The following COL22A1 variants were observed in gnomAD, a reference collection of about 807,000 sequenced individuals.
The protein encoded by COL22A1 is collagen type XXII alpha 1 chain.
Under a neutral mutation model 248.9 loss-of-function variants are expected in COL22A1, and 221 were observed. The observed-to-expected ratio is 0.89, with a 90% CI of 0.80 to 0.99. COL22A1 has a LOEUF of 0.99. Among genes scored for constraint, COL22A1 ranks in the 50% least tolerant of loss-of-function variants. The pLI is 0.00. For synonymous variants in COL22A1, 891 were observed against 793.4 expected (o/e 1.12, Z -2.07); for missense variants, 2,240 against 2,179.0 (o/e 1.03, Z -0.56).
chr8:138,617,875 T>A (rs562026605), intron 53 of COL22A1, among the ~76,000 whole-genome samples: 1 of 152,130 alleles, frequency 6.6e-6, no homozygotes, highest in African/African-American at 2.4e-5. Flanking sequence ...CTGTCAGGAC[T>A]GAATAAGACT....
At position 138,878,171 on chromosome 8, in the gene COL22A1, G is replaced by A. The variant is rs752433406; in HGVS notation, c.237C>T (p.Val79=). ...EVGPDRTRVG[V]VRYSDRPTTA... is the part of the protein sequence containing the mutation. ...TGGTGGGCCGGTCGCTGTAGCGCAC[G>A]ACCCCCACACGGGTGCGGTCGGGGC... The change falls in exon 3 of 65, where the codon GTC becomes GTT. Residue 79 remains valine, a synonymous_variant. Transcript: ENST00000303045. The A allele has an allele frequency of 2.5e-6, 4 of 1,604,534 alleles. No individual in the cohort carries two copies. Among genetic ancestry groups the A allele is most frequent in the African/African-American group, 2.7e-5 (2 of 75,004 alleles).
In COL22A1 at chr8:138,703,429, T is replaced by A; in HGVS notation, c.2518-82A>T. 3 of 1,332,826 alleles carry A rather than the reference T, an allele frequency of 2.3e-6. No homozygotes were observed. The Admixed American group carries it at 5.1e-5, about 23-fold the overall frequency. 82.6% of individuals were successfully genotyped at this position (1,332,826 alleles called of 1,614,324 possible). On this transcript the variant is annotated intron_variant, in intron 30 of 64. Transcript: ENST00000303045. The stretch of plus-strand genomic sequence containing the variant: ...GCTGCAACAGATCAGCTAACACTAT[T>A]TTCCCCAGACAACAGAAGGTGTTGT...
Position 138,657,558 on chromosome 8 carries a change from G to C in COL22A1, c.3286-1614C>G, listed in dbSNP as rs148595495. Among the ~76,000 whole-genome samples, 1,367 of 152,338 alleles carry C rather than the reference G, an allele frequency of 9.0e-3. 20 individuals are homozygous for C. The highest frequency in any genetic ancestry group is 0.031 in the African/African-American group (1,299 of 41,566). ...GATACAATTTCATTAACATCTTGCT[G>C]TGACTCATTTCTGTAAACCTCACAA... On this transcript the variant is annotated intron_variant, in intron 44 of 64. Coordinates refer to ENST00000303045, the MANE Select transcript of COL22A1 (RefSeq NM_152888.3).
intron 57 of COL22A1, among the ~76,000 whole-genome samples, chr8:138,606,770 G>C (rs935231556): frequency 6.6e-6 from 1 of 152,146 alleles, no homozygotes; most frequent in Non-Finnish European, 1.5e-5. Flanking sequence ...GAGTGCTCTA[G>C]TGAGATGGCA....
intron 3 of COL22A1, among the ~76,000 whole-genome samples, chr8:138,861,200 C>T (rs1822429055): frequency 6.6e-6 from 1 of 152,206 alleles, no homozygotes; most frequent in African/African-American, 2.4e-5. Flanking sequence ...GGACAGGGGC[C>T]TCAGGGGTCC....
intron 12 of COL22A1, among the ~76,000 whole-genome samples, chr8:138,795,187 C>T (rs537735515): frequency 1.1e-4 from 17 of 152,184 alleles, no homozygotes; most frequent in South Asian, 4.2e-4. Context: ...TCATGGAAAG[C>T]GGCAGGAGAT....
chr8:138,626,351 T>G (rs1820239048), intron 50 of COL22A1, 108 bp from the exon 51 acceptor site: 1 of 909,240 alleles, frequency 1.1e-6, no homozygotes, highest in Admixed American at 2.1e-5. Flanking sequence ...GAGTGTTTGG[T>G]GAGAAACAAG....
chr8:138,912,458 G>T (rs1815516087), intron 1 of COL22A1, among the ~76,000 whole-genome samples: 1 of 152,202 alleles, frequency 6.6e-6, no homozygotes, highest in Non-Finnish European at 1.5e-5. Flanking sequence ...TGTCGGCATG[G>T]GCCCAGGCGT....
At chr8:138,835,440 C>A (rs897421970) in intron 4 of COL22A1, among the ~76,000 whole-genome samples, 1 of 152,180 alleles carries the variant, frequency 6.6e-6, no homozygotes, top group Non-Finnish European at 1.5e-5. Flanking sequence ...GAACAGGCAC[C>A]CACAGTCCCA....
intron 12 of COL22A1, among the ~76,000 whole-genome samples, chr8:138,781,499 T>C (rs1815001531): frequency 6.6e-6 from 1 of 152,176 alleles, no homozygotes; most frequent in African/African-American, 2.4e-5. Flanking sequence ...AAAAGCCTCC[T>C]GCTTGGGAAC....
chr8:138,611,350 CA>C (rs1440499428), intron 56 of COL22A1, among the ~76,000 whole-genome samples: 5 of 152,180 alleles, frequency 3.3e-5, no homozygotes. Context: ...AGCAGTGCAG[CA>C]ACTCACCTAG....
chr8:138,772,410 T>G (rs961464502), intron 16 of COL22A1, among the ~76,000 whole-genome samples: 2 of 152,176 alleles, frequency 1.3e-5, no homozygotes, highest in African/African-American at 4.8e-5. Flanking sequence ...ACAGGGGTTC[T>G]AAGCAGCACA....
chr8:138,594,298 T>C, intron 62 of COL22A1, 99 bp from the exon 63 acceptor site: 2 of 1,014,296 alleles, frequency 2.0e-6, no homozygotes, highest in South Asian at 3.3e-5. Context: ...GGGCCGATAA[T>C]AGCTGCAGAA....
At chr8:138,664,181 C>A (rs760279183) in intron 41 of COL22A1, among the ~76,000 whole-genome samples, 1 of 146,518 alleles carries the variant, frequency 6.8e-6, no homozygotes, top group Admixed American at 6.9e-5. Context: ...ATGCTCCCTT[C>A]TCCAACAAGG....
intron 48 of COL22A1, among the ~76,000 whole-genome samples, 198 bp downstream of exon 48, chr8:138,636,544 G>C (rs975335493): frequency 1.1e-4 from 2 of 18,762 alleles, no homozygotes; most frequent in African/African-American, 1.9e-4. Context: ...AGGCAGGGAG[G>C]CTTCTCCAAT....
intron 7 of COL22A1, among the ~76,000 whole-genome samples, chr8:138,815,723 T>C (rs941092329): frequency 6.6e-6 from 1 of 152,192 alleles, no homozygotes; most frequent in Admixed American, 6.5e-5. Flanking sequence ...GCTGGAGCAG[T>C]CCGACTCATA....
At chr8:138,827,081 CTAAATGGT>C in intron 5 of COL22A1, 1 of 369,294 alleles carries the variant, frequency 2.7e-6, no homozygotes, top group Non-Finnish European at 5.1e-6. Context: ...ACAGTAAACG[CTAAATGGT>C]CACGCCCCCG....
intron 7 of COL22A1, among the ~76,000 whole-genome samples, chr8:138,816,885 A>G (rs957759293): frequency 2.0e-5 from 3 of 152,204 alleles, no homozygotes; most frequent in Non-Finnish European, 4.4e-5. Context: ...AAAATGCAAC[A>G]TGGAACAGTC....
chr8:138,883,061 C>A, intron 2 of COL22A1, 21 bp downstream of exon 2: 1 of 1,555,986 alleles, frequency 6.4e-7, no homozygotes, highest in Non-Finnish European at 8.7e-7. Flanking sequence ...CACAGCATGG[C>A]ACAGCCCACG....
Sources: gnomAD v4.1 joint callset for allele counts (sites outside exome capture counted in the v4.1 genomes callset) on GRCh38, gnomAD v4.1.1 for gene constraint, MANE v1.5 for transcripts, NCBI Gene and HGNC (gene_info 2026-07-23, HGNC 2026-07-21) for gene names.